The following ADAMTSL1 variants were observed in gnomAD, a reference collection of about 807,000 sequenced individuals.
ADAMTSL1 encodes ADAMTS like 1, also known as ADAMTS-like protein 1.
ADAMTSL1 carries 126 observed loss-of-function variants against 201.8 expected under a neutral mutation model. That is an observed-to-expected ratio of 0.62 (90% CI 0.54 to 0.72). ADAMTSL1 has a LOEUF of 0.72. Among genes scored for constraint, ADAMTSL1 ranks in the 30% least tolerant of loss-of-function variants. The pLI, the probability that ADAMTSL1 is intolerant of heterozygous loss-of-function variation, is 0.00. For synonymous variants in ADAMTSL1, 1,121 were observed against 903.4 expected (o/e 1.24, Z -4.32); for missense variants, 2,679 against 2,277.8 (o/e 1.18, Z -3.59).
chr9:17,991,303 A>G (rs548500209), intron 1 of ADAMTSL1, among the ~76,000 whole-genome samples: 2 of 152,296 alleles, frequency 1.3e-5, no homozygotes, highest in Admixed American at 1.3e-4. Context: ...TGTCCTATCT[A>G]TGACCATCTA....
intron 2 of ADAMTSL1, among the ~76,000 whole-genome samples, chr9:18,380,365 T>C (rs896916298): frequency 2.6e-5 from 4 of 152,066 alleles, no homozygotes; most frequent in African/African-American, 4.8e-5. Flanking sequence ...AGAAGCAGAA[T>C]GAACGGAAGA....
intron 23 of ADAMTSL1, among the ~76,000 whole-genome samples, chr9:18,842,540 G>C (rs1259930861): frequency 6.6e-6 from 1 of 152,194 alleles, no homozygotes. Flanking sequence ...GAGTTCTGTA[G>C]ACATCTATTA....
chr9:18,702,168 T>A (rs1411376963), intron 13 of ADAMTSL1, among the ~76,000 whole-genome samples: 2 of 152,134 alleles, frequency 1.3e-5, no homozygotes, highest in Non-Finnish European at 2.9e-5. Flanking sequence ...GCCCCCATGA[T>A]TCAATCATCT....
chr9:18,049,080 C>G (rs1350028247), intron 1 of ADAMTSL1, among the ~76,000 whole-genome samples: 1 of 152,094 alleles, frequency 6.6e-6, no homozygotes. Flanking sequence ...TTCTCTGTGT[C>G]TCTGCTCTCC....
At chr9:18,675,586 GC>G (rs1360849665) in intron 9 of ADAMTSL1, among the ~76,000 whole-genome samples, 1 of 152,090 alleles carries the variant, frequency 6.6e-6, no homozygotes, top group Non-Finnish European at 1.5e-5. Context: ...ATGATGAAGT[GC>G]CAAGTTTTGT....
intron 1 of ADAMTSL1, among the ~76,000 whole-genome samples, chr9:18,104,932 A>G (rs959227353): frequency 6.6e-6 from 1 of 152,172 alleles, no homozygotes; most frequent in Non-Finnish European, 1.5e-5. Context: ...AAGTAAAATA[A>G]ATCAGACTTA....
At chr9:18,128,625 A>G (rs1825831913) in intron 1 of ADAMTSL1, among the ~76,000 whole-genome samples, 1 of 152,160 alleles carries the variant, frequency 6.6e-6, no homozygotes, top group Non-Finnish European at 1.5e-5. Flanking sequence ...AGTTTGAACT[A>G]TTGAGTATGG....
At chr9:18,599,891 G>A (rs1231613545) in intron 4 of ADAMTSL1, among the ~76,000 whole-genome samples, 5 of 149,550 alleles carry the variant, frequency 3.3e-5, no homozygotes, top group Admixed American at 2.7e-4. Context: ...GGTGGCTCAC[G>A]CCTGTAATCC....
At chr9:18,052,268 A>G (rs920405827) in intron 1 of ADAMTSL1, among the ~76,000 whole-genome samples, 1 of 152,266 alleles carries the variant, frequency 6.6e-6, no homozygotes, top group Non-Finnish European at 1.5e-5. Context: ...ACACAAATAA[A>G]TACATACTTT....
At chr9:18,202,408 T>C (rs1431085787) in intron 2 of ADAMTSL1, among the ~76,000 whole-genome samples, 1 of 152,250 alleles carries the variant, frequency 6.6e-6, no homozygotes, top group Non-Finnish European at 1.5e-5. Flanking sequence ...TCAATACGTG[T>C]GCTCAATCTT....
At chr9:18,653,240 G>A (rs767851709) in intron 7 of ADAMTSL1, among the ~76,000 whole-genome samples, 7 of 152,130 alleles carry the variant, frequency 4.6e-5, no homozygotes, top group East Asian at 1.9e-4. Context: ...ATCCTGCCTC[G>A]CTCCCCACCA....
intron 5 of ADAMTSL1, among the ~76,000 whole-genome samples, chr9:18,631,593 G>C (rs547502072): frequency 6.6e-6 from 1 of 152,216 alleles, no homozygotes; most frequent in African/African-American, 2.4e-5. Context: ...GATAAACTCA[G>C]ATATCAGAAT....
In ADAMTSL1 at chr9:18,905,809, C is replaced by A. The variant is rs1325926354; in HGVS notation, c.4879C>A (p.Leu1627Ile). Residue 1627 changes from leucine to isoleucine, a missense_variant, in exon 27 of 29, where the codon CTA (leucine) becomes ATA (isoleucine). Transcript: ENST00000380548. Reference sequence around the variant, plus strand: ...CAATGGGCCTTGCATCGGGCCTCACCTAGCTGTGCAACACAGACAAGTCTT... The same window carrying A: ...CAATGGGCCTTGCATCGGGCCTCACATAGCTGTGCAACACAGACAAGTCTT... Reference protein sequence around the residue: ...QCNGPCIGPHLAVQHRQVFCQ... With the variant: ...QCNGPCIGPHIAVQHRQVFCQ... The A allele has an allele frequency of 1.2e-6, 2 of 1,613,444 alleles. No individual in the cohort carries two copies. Among genetic ancestry groups the A allele is most frequent in the African/African-American group, 1.3e-5 (1 of 74,928 alleles).
At chr9:18,329,072 GC>G in intron 2 of ADAMTSL1, among the ~76,000 whole-genome samples, 1 of 152,108 alleles carries the variant, frequency 6.6e-6, no homozygotes. Context: ...TGGAGGTGGG[GC>G]CTTTGGGGAG....
chr9:18,008,820 G>A (rs927179326), intron 1 of ADAMTSL1, among the ~76,000 whole-genome samples: 11 of 151,836 alleles, frequency 7.2e-5, no homozygotes, highest in Admixed American at 6.6e-4. Context: ...ACCTCATTTG[G>A]GACTTAAGTA....
At chr9:18,409,219 A>G (rs2133302852) in intron 2 of ADAMTSL1, among the ~76,000 whole-genome samples, 1 of 151,806 alleles carries the variant, frequency 6.6e-6, no homozygotes, top group East Asian at 2.0e-4. Flanking sequence ...ACTCATCTCT[A>G]CTAAAAACAC....
intron 3 of ADAMTSL1, among the ~76,000 whole-genome samples, chr9:18,534,084 A>T (rs936713874): frequency 6.6e-6 from 1 of 152,186 alleles, no homozygotes; most frequent in South Asian, 2.1e-4. Context: ...GTTATATCAT[A>T]AAAAGATTCG....
At chr9:18,146,532 A>T (rs1166792282) in intron 1 of ADAMTSL1, among the ~76,000 whole-genome samples, 1 of 152,208 alleles carries the variant, frequency 6.6e-6, no homozygotes, top group Admixed American at 6.5e-5. Flanking sequence ...TGGATAGATC[A>T]ATAGTTGCTA....
rs1820208242 is a variant in ADAMTSL1, at chr9:18,015,217, T to TAATG, written c.87+108295_87+108296insAATG. On this transcript the variant is annotated intron_variant, in intron 1 of 29. Transcript: ENST00000680146. ...AGTTGGAACACAGGTGTGTCTAGGC[T>TAATG]CATGCTTGCTTCTCTCTGGTGCTCT... Among the ~76,000 whole-genome samples the TAATG allele has an allele frequency of 2.0e-5, 3 of 152,044 alleles. No individual in the cohort carries two copies. The South Asian group carries it at 6.2e-4, about 32-fold the overall frequency.
Sources: gnomAD v4.1 joint callset for allele counts (sites outside exome capture counted in the v4.1 genomes callset) on GRCh38, gnomAD v4.1.1 for gene constraint, MANE v1.5 for transcripts, NCBI Gene and HGNC (gene_info 2026-07-23, HGNC 2026-07-21) for gene names.